The following SHANK1 variants were observed in gnomAD, a reference collection of about 807,000 sequenced individuals.
The protein encoded by SHANK1 is SH3 and multiple ankyrin repeat domains protein 1.
A neutral mutation model predicts 165.6 loss-of-function variants in SHANK1; 35 were observed. The ratio of observed to expected loss-of-function variants is 0.21; its 90% CI spans 0.16 to 0.28. The LOEUF is 0.28. SHANK1 is among the 10% of genes least tolerant of loss of function. The pLI is 1.00. For missense variants in SHANK1, 2,681 were observed against 3,036.4 expected (o/e 0.88, Z 2.75); for synonymous variants, 1,428 against 1,384.8 (o/e 1.03, Z -0.69).
chr19:50,697,686 C>A lies in SHANK1; in HGVS notation c.1862-22G>T, dbSNP rs1354974977. 6.2e-7 allele frequency: 1 copy of A among 1,611,722 alleles called. No individual in the cohort carries two copies. Among genetic ancestry groups the A allele is most frequent in the African/African-American group, 1.3e-5 (1 of 74,938 alleles). ...CTTTCTGCAGGGTGACAACAGACAA[C>A]CTTGGACTCTTGTTTTGGAAACCAC... is the stretch of plus-strand genomic sequence containing the variant. On this transcript the variant is annotated intron_variant, in intron 13 of 23. Coordinates refer to ENST00000293441, the MANE Select transcript of SHANK1 (RefSeq NM_016148.5). The surrounding 1 kb of genome is among the most constrained non-coding windows in gnomAD (Gnocchi z 4.7).
At position 50,690,953 on chromosome 19, in the gene SHANK1, A is replaced by G. The variant is rs1208300925; in HGVS notation, c.1965-1674T>C. Among the ~76,000 whole-genome samples the G allele has an allele frequency of 2.0e-5, 3 of 152,052 alleles. No individual in the cohort carries two copies. The East Asian group carries it at 5.8e-4, about 29-fold the overall frequency. On this transcript the variant is annotated intron_variant, in intron 15 of 23. Transcript: ENST00000293441. This position sits in a 1 kb window ranked among gnomAD's most constrained non-coding sequence, Gnocchi z 4.9. ...TTGCACCATGGCGACAGGGTTCTGGATGTGCACGTGTCCTCCCTTCCTGCT... is the reference window on the plus strand; with the variant it reads ...TTGCACCATGGCGACAGGGTTCTGGGTGTGCACGTGTCCTCCCTTCCTGCT...
In SHANK1 at chr19:50,704,422, C is replaced by A; in HGVS notation, c.1155+15G>T. The A allele has an allele frequency of 1.2e-6, 2 of 1,613,226 alleles. No individual in the cohort carries two copies. The highest frequency in any genetic ancestry group is 1.7e-6 in the Non-Finnish European group (2 of 1,179,196). On this transcript the variant is annotated intron_variant, in intron 9 of 23. Transcript: ENST00000293441. ...TAGCCCTGGAAACTCCAGCACATCC[C>A]CTGCAGCCCCAGACCTGGAAGGGGG...
intron 4 of SHANK1, among the ~76,000 whole-genome samples, chr19:50,715,151 C>T (rs768605575): frequency 6.6e-6 from 1 of 151,980 alleles, no homozygotes; most frequent in African/African-American, 2.4e-5. Flanking sequence ...ACAGGACAGA[C>T]AGGGGCTGAG....
intron 15 of SHANK1, among the ~76,000 whole-genome samples, chr19:50,691,233 G>A (rs535021623): frequency 1.3e-5 from 2 of 152,190 alleles, no homozygotes; most frequent in East Asian, 1.9e-4. Flanking sequence ...GCAAGTGGAC[G>A]GGGAAACTGG....
Position 50,688,885 on chromosome 19 carries a change from C to T in SHANK1, c.2131G>A (p.Ala711Thr), listed in dbSNP as rs1172166248. 2 of 1,592,800 alleles carry T rather than the reference C, an allele frequency of 1.3e-6. No individual in the cohort carries two copies. Among genetic ancestry groups the T allele is most frequent in the Admixed American group, 1.7e-5 (1 of 57,342 alleles). The change falls in exon 17 of 24, where the codon GCA becomes ACA. Residue 711 changes from alanine (A) to threonine (T), a missense_variant. By Grantham distance (58) the Ala-to-Thr change is moderately conservative. Coordinates refer to ENST00000293441, the MANE Select transcript of SHANK1 (RefSeq NM_016148.5). This position sits in a 1 kb window ranked among gnomAD's most constrained non-coding sequence, Gnocchi z 6.7. Reference sequence around the variant, plus strand: ...CCCATTCGCAGTCCAGCTCGCCATGCCACGCCACCCTCGTCCACCGACTCC... The same window carrying T: ...CCCATTCGCAGTCCAGCTCGCCATGTCACGCCACCCTCGTCCACCGACTCC... ...YLESVDEGGVAWRAGLRMGDF... is the reference protein window; with the variant it reads ...YLESVDEGGVTWRAGLRMGDF...
chr19:50,668,462 A>G lies in SHANK1; in HGVS notation c.3498T>C (p.Ser1166=), dbSNP rs1403546098. 1 of 1,333,070 alleles carries G rather than the reference A, an allele frequency of 7.5e-7. No homozygotes were observed. The highest frequency in any genetic ancestry group is 9.6e-7 in the Non-Finnish European group (1 of 1,040,370). The allele number at this position is 1,333,070 out of a possible 1,614,324, so 82.6% of individuals were successfully genotyped here. Residue 1166 remains serine (S), a synonymous_variant, in exon 23 of 24, where the codon AGT becomes AGC. Coordinates refer to ENST00000293441, the MANE Select transcript of SHANK1 (RefSeq NM_016148.5). ...PTIIIKAPST[S]SSGRSSQGSS... ...TGCCCTGGCTGCTGCGGCCGCTGCTACTGGTGGACGGGGCCTTGATGATGA... is the reference window on the plus strand; with the variant it reads ...TGCCCTGGCTGCTGCGGCCGCTGCTGCTGGTGGACGGGGCCTTGATGATGA...
At chr19:50,669,340 C>T in intron 22 of SHANK1, 55 bp from the exon 23 acceptor site, 1 of 1,197,410 alleles carries the variant, frequency 8.4e-7, no homozygotes, top group Non-Finnish European at 1.2e-6. Context: ...GGTCTCCCTG[C>T]TCCACTATCC....
At position 50,668,538 on chromosome 19, in the gene SHANK1, GGC is replaced by G. The variant is rs1386393396; in HGVS notation, c.3420_3421del (p.Pro1141AlafsTer26). ...CTCCGAGGGCGCGGCCACGGCGGGC[GGC>G]GGCTGCGGGGAGGCCGGGGACGTGG... On this transcript the variant is annotated frameshift_variant, in exon 23 of 24. Transcript: ENST00000293441. LOFTEE classifies it high-confidence loss of function. The G allele has an allele frequency of 3.0e-6, 4 of 1,355,610 alleles. No homozygotes were observed. The African/African-American group carries it at 6.1e-5, about 21-fold the overall frequency. The allele number at this position is 1,355,610 out of a possible 1,614,324, so 84.0% of individuals were successfully genotyped here.
chr19:50,675,364 C>G (rs1985942818), intron 21 of SHANK1, among the ~76,000 whole-genome samples: 1 of 152,192 alleles, frequency 6.6e-6, no homozygotes, highest in African/African-American at 2.4e-5. Context: ...TGGTGGCTAC[C>G]AAATTGGACA....
At position 50,666,249 on chromosome 19, in the gene SHANK1, C is replaced by T. The variant is rs566966888; in HGVS notation, c.5711G>A (p.Ser1904Asn). 6.2e-7 allele frequency: 1 copy of T among 1,609,850 alleles called. No homozygotes were observed. The highest frequency in any genetic ancestry group is 8.5e-7 in the Non-Finnish European group (1 of 1,178,678). ...ARGGSGGGGD[S>N]HHGGASYVPE... ...GACATAGCTGGCTCCCCCGTGGTGGCTGTCTCCGCCTCCCCCACTGCCTCC... is the reference window on the plus strand; with the variant it reads ...GACATAGCTGGCTCCCCCGTGGTGGTTGTCTCCGCCTCCCCCACTGCCTCC... The change falls in exon 23 of 24, where the codon AGC (serine) becomes AAC (asparagine). Residue 1904 changes from serine (S) to asparagine (N), a missense_variant. Physicochemically the swap from Ser to Asn is conservative, Grantham distance 46. Coordinates refer to ENST00000293441, the MANE Select transcript of SHANK1 (RefSeq NM_016148.5).
rs2089068165 is a variant in SHANK1 at position 50,716,212 on chromosome 19, G to A, written c.459+63C>T. The A allele has an allele frequency of 6.8e-7, 1 of 1,468,144 alleles. No individual in the cohort carries two copies. Among genetic ancestry groups the A allele is most frequent in the Non-Finnish European group, 9.5e-7 (1 of 1,052,424 alleles). The allele number at this position is 1,468,144 out of a possible 1,614,324, so 90.9% of individuals were successfully genotyped here. On this transcript the variant is annotated intron_variant, in intron 3 of 23. Coordinates refer to ENST00000293441, the MANE Select transcript of SHANK1 (RefSeq NM_016148.5). This position sits in a 1 kb window ranked among gnomAD's most constrained non-coding sequence, Gnocchi z 8.4. ...GTTTCGAGTGTGTTAAAAAGTGGGT[G>A]GGGGGCAGATGTGTTTTAGGGCATG...
chr19:50,703,538 G>T lies in SHANK1; in HGVS notation c.1515C>A (p.His505Gln). The T allele has an allele frequency of 6.5e-7, 1 of 1,550,082 alleles. No homozygotes were observed. Among genetic ancestry groups the T allele is most frequent in the Non-Finnish European group, 8.7e-7 (1 of 1,153,496 alleles). Residue 505 changes from histidine to glutamine, a missense_variant, in exon 11 of 24, where the codon CAC becomes CAA. By Grantham distance (24) the His-to-Gln change is conservative. Transcript: ENST00000293441. ...GGGGCTGCCTCTTGGCGTCCTCAGG[G>T]TGCCTCCCTCGGGATGGAGAGCGGG... ...ARARSPSRGR[H>Q]PEDAKRQPRG...
rs368771488 is a variant in SHANK1 at position 50,668,549 on chromosome 19, G to C, written c.3411C>G (p.Ser1137=). The C allele has an allele frequency of 6.8e-4, 915 of 1,352,864 alleles. 1 individual carries two copies. Among genetic ancestry groups the C allele is most frequent in the Non-Finnish European group, 8.0e-4 (838 of 1,053,442 alleles). 83.8% of individuals were successfully genotyped at this position (1,352,864 alleles called of 1,614,324 possible). A position where few individuals can be genotyped will look rare whatever the true frequency, so the allele number is the denominator to read the frequency against. ...CGGCCACGGCGGGCGGCGGCTGCGG[G>C]GAGGCCGGGGACGTGGGCGACGGCG... ...PPAPSPTSPA[S]PQPPPAVAAP... Residue 1137 remains serine, a synonymous_variant, in exon 23 of 24, where the codon TCC becomes TCG. Transcript: ENST00000293441.
At position 50,667,848 on chromosome 19, in the gene SHANK1, C is replaced by T; in HGVS notation, c.4112G>A (p.Gly1371Asp). 2 of 1,296,354 alleles carry T rather than the reference C, an allele frequency of 1.5e-6. No individual in the cohort carries two copies. The highest frequency in any genetic ancestry group is 1.9e-6 in the Non-Finnish European group (2 of 1,026,440). 80.3% of individuals were successfully genotyped at this position (1,296,354 alleles called of 1,614,324 possible). ...ERALKESSEG[G>D]GAPQPPPRPP... The stretch of plus-strand genomic sequence containing the variant: ...CCTGGGAGGCGGCTGGGGGGCCCCG[C>T]CGCCCTCCGAGGACTCCTTCAGCGC... The change falls in exon 23 of 24, where the codon GGC becomes GAC. Residue 1371 changes from glycine to aspartate, a missense_variant. Physicochemically the swap from Gly to Asp is moderately conservative, Grantham distance 94. Around this residue, in one of 10 missense-constraint regions of SHANK1, gnomAD observed 1,713 missense variants for 1,630.2 expected, o/e 1.05. Coordinates refer to ENST00000293441, the MANE Select transcript of SHANK1 (RefSeq NM_016148.5). This position sits in a 1 kb window ranked among gnomAD's most constrained non-coding sequence, Gnocchi z 5.7.
rs1011608153 is a variant in SHANK1 at position 50,703,626 on chromosome 19, G to A, written c.1427C>T (p.Ala476Val). 1 of 1,549,210 alleles carries A rather than the reference G, an allele frequency of 6.5e-7. No homozygotes were observed. Among genetic ancestry groups the A allele is most frequent in the South Asian group, 1.2e-5 (1 of 83,974 alleles). Residue 476 changes from alanine to valine, a missense_variant, in exon 11 of 24, where the codon GCC becomes GTC. By Grantham distance (64) the Ala-to-Val change is moderately conservative. This residue lies in a region of SHANK1 where 195 missense variants were observed against 186.2 expected (regional missense o/e 1.05). Transcript: ENST00000293441. ...SGSQGQSQPS[A>V]PTTKLSSGTL... ...CCCGCTGCTGAGCTTGGTGGTGGGG[G>A]CCGAGGGCTGCGACTGGCCCTGGGA...
intron 3 of SHANK1, 121 bp from the exon 4 acceptor site, chr19:50,715,851 G>C: frequency 1.0e-6 from 1 of 985,454 alleles, no homozygotes; most frequent in South Asian, 1.3e-5. Context: ...GCTCAGGGTG[G>C]GAGTGAAAAC....
At position 50,666,927 on chromosome 19, in the gene SHANK1, A is replaced by G. The variant is rs774803412; in HGVS notation, c.5033T>C (p.Val1678Ala). 105 of 1,600,520 alleles carry G rather than the reference A, an allele frequency of 6.6e-5. No individual in the cohort carries two copies. The highest frequency in any genetic ancestry group is 8.0e-5 in the Non-Finnish European group (94 of 1,174,188). The change falls in exon 23 of 24, where the codon GTG (valine) becomes GCG (alanine). Residue 1678 changes from valine (V) to alanine (A), a missense_variant. Transcript: ENST00000293441. ...PPGTDSGIEE[V>A]DSRSSSDHPL... ...GTGGTCACTGCTGCTCCGACTGTCC[A>G]CCTCCTCGATGCCAGAATCCGTGCC...
At position 50,666,434 on chromosome 19, in the gene SHANK1, C is replaced by T. The variant is rs921127914; in HGVS notation, c.5526G>A (p.Glu1842=). The T allele has an allele frequency of 6.2e-7, 1 of 1,610,332 alleles. No homozygotes were observed. The highest frequency in any genetic ancestry group is 8.5e-7 in the Non-Finnish European group (1 of 1,178,980). Residue 1842 remains glutamate (E), a synonymous_variant, in exon 23 of 24, where the codon GAG becomes GAA. Transcript: ENST00000293441. ...SLPRKLLPWE[E]GPGPPPPPLP... is the part of the protein sequence containing the mutation. The stretch of plus-strand genomic sequence containing the variant: ...GAGGTGGTGGCGGTGGGCCCGGGCC[C>T]TCCTCCCAGGGCAGCAGCTTCCGGG...
chr19:50,687,619 C>T lies in SHANK1; in HGVS notation c.2352G>A (p.Leu784=). ...GCTCTGAGGTCATAGATTTGGAACGCAGGGAGATGGTTGGGGGCGGCAGCC... is the reference window on the plus strand; with the variant it reads ...GCTCTGAGGTCATAGATTTGGAACGTAGGGAGATGGTTGGGGGCGGCAGCC... The part of the protein sequence containing the change: ...AKRLPPPTIS[L]RSKSMTSELE... Residue 784 remains leucine, a synonymous_variant, in exon 19 of 24, where the codon CTG becomes CTA. Transcript: ENST00000293441. The T allele has an allele frequency of 1.6e-5, 24 of 1,537,568 alleles. No individual in the cohort carries two copies. Among genetic ancestry groups the T allele is most frequent in the Non-Finnish European group, 2.1e-5 (24 of 1,141,684 alleles).
Sources: allele counts gnomAD v4.1 joint callset (sites outside exome capture counted in the v4.1 genomes callset), GRCh38; gene constraint gnomAD v4.1.1; regional missense constraint gnomAD v4.1.1; non-coding constraint Gnocchi (gnomAD v3.1); transcripts MANE v1.5; gene names NCBI Gene and HGNC (gene_info 2026-07-23, HGNC 2026-07-21).